The following COL9A1 variants were observed in gnomAD, a reference collection of about 807,000 sequenced individuals.
COL9A1 encodes the protein collagen type IX alpha 1 chain.
COL9A1 carries 104 observed loss-of-function variants against 142.6 expected under a neutral mutation model. The ratio of observed to expected loss-of-function variants is 0.73; its 90% CI spans 0.62 to 0.86. COL9A1 has a LOEUF of 0.86. COL9A1 is among the 40% of genes least tolerant of loss of function. The pLI, the probability that COL9A1 is intolerant of heterozygous loss-of-function variation, is 0.00. For synonymous variants in COL9A1, 466 were observed against 396.0 expected, an observed-to-expected ratio of 1.18 and a Z score of -2.10; for missense variants, 1,210 against 1,176.6, an observed-to-expected ratio of 1.03 and a Z score of -0.42.
rs1299857084 is a variant in COL9A1 at position 70,241,472 on chromosome 6, T to A, written c.1999-18A>T. On this transcript the variant is annotated intron_variant, in intron 30 of 37. Transcript: ENST00000357250. ...ACTACACCCTGTAATAAATAAAATATAATACTTTTTCAGTATTTTCAACTG... is the reference window on the plus strand; with the variant it reads ...ACTACACCCTGTAATAAATAAAATAAAATACTTTTTCAGTATTTTCAACTG... 1 of 1,602,796 alleles carries A rather than the reference T, an allele frequency of 6.2e-7. No individual in the cohort carries two copies. The highest frequency in any genetic ancestry group is 1.7e-5 in the Admixed American group (1 of 60,010).
At chr6:70,285,293 C>T (rs914025736) in intron 5 of COL9A1, among the ~76,000 whole-genome samples, 2 of 152,190 alleles carry the variant, frequency 1.3e-5, no homozygotes, top group South Asian at 2.1e-4. Flanking sequence ...AACACATCTG[C>T]GCATCCACAT....
In COL9A1 at chr6:70,294,285, G is replaced by A. The variant is rs1366088068; in HGVS notation, c.578C>T (p.Thr193Ile). The change falls in exon 5 of 38, where the codon ACT becomes ATT. Residue 193 changes from threonine (T) to isoleucine (I), a missense_variant. By Grantham distance (89) the Thr-to-Ile change is moderately conservative (BLOSUM62 -1). Coordinates refer to ENST00000357250, the MANE Select transcript of COL9A1 (RefSeq NM_001851.6). ...AATCCTGTTGCAGTCAACAAAAAGAGTAGCACTACTCCTCTCCACGCCAAT... is the reference window on the plus strand; with the variant it reads ...AATCCTGTTGCAGTCAACAAAAAGAATAGCACTACTCCTCTCCACGCCAAT... ...IMIGVERSSA[T>I]LFVDCNRIES... 2 of 1,614,046 alleles carry A rather than the reference G, an allele frequency of 1.2e-6. No homozygotes were observed. The highest frequency in any genetic ancestry group is 3.3e-5 in the Admixed American group (2 of 60,002).
rs764624908 is a variant in COL9A1 at position 70,232,594 on chromosome 6, C to A, written c.2492G>T (p.Arg831Met). ...IKGPPGALGL[R>M]GPKGDLGEKG... is the part of the protein sequence containing the mutation. Reference sequence around the variant, plus strand: ...GCAAGATGACTTACCTTTAGGTCCCCTCAAACCAAGAGCACCAGGGGGCCC... The same window carrying A: ...GCAAGATGACTTACCTTTAGGTCCCATCAAACCAAGAGCACCAGGGGGCCC... The change falls in exon 36 of 38, where the codon AGG (arginine) becomes ATG (methionine). Residue 831 changes from arginine (R) to methionine (M), a missense_variant. Physicochemically the swap from Arg to Met is moderately conservative, Grantham distance 91 (BLOSUM62 -1). Coordinates refer to ENST00000357250, the MANE Select transcript of COL9A1 (RefSeq NM_001851.6). The A allele has an allele frequency of 1.9e-6, 3 of 1,613,914 alleles. No individual in the cohort carries two copies. Among genetic ancestry groups the A allele is most frequent in the Non-Finnish European group, 1.7e-6 (2 of 1,180,016 alleles).
At chr6:70,236,523 A>G (rs940819514) in intron 33 of COL9A1, among the ~76,000 whole-genome samples, 2 of 152,224 alleles carry the variant, frequency 1.3e-5, no homozygotes, top group Non-Finnish European at 2.9e-5. Context: ...CTTCTTTTTC[A>G]TATGCATCAT....
At chr6:70,242,173 T>G in intron 29 of COL9A1, 138 bp from the exon 30 acceptor site, 6 of 758,848 alleles carry the variant, frequency 7.9e-6, no homozygotes, top group Non-Finnish European at 1.4e-5. Context: ...TTCTTGGGTT[T>G]GCCTCTCTTT....
At chr6:70,274,215 T>G in intron 11 of COL9A1, 133 bp from the exon 12 acceptor site, 1 of 604,746 alleles carries the variant, frequency 1.7e-6, no homozygotes, top group African/African-American at 2.0e-5. Flanking sequence ...CAACTTTTAT[T>G]TTAAGTTCAG....
chr6:70,249,920 T>C (rs1424378509), intron 28 of COL9A1, among the ~76,000 whole-genome samples: 1 of 152,174 alleles, frequency 6.6e-6, no homozygotes, highest in Non-Finnish European at 1.5e-5. Flanking sequence ...CCACAACAAG[T>C]GCTCAGTCAA....
intron 10 of COL9A1, chr6:70,279,666 A>AAAAAAAAAAAAAAAAAC (rs1562322878): frequency 2.9e-5 from 5 of 170,818 alleles, no homozygotes; most frequent in African/African-American, 1.3e-4. Flanking sequence ...AAAAAAAAAA[A>AAAAAAAAAAAAAAAAAC]AAAACACATA....
At chr6:70,282,301 T>C (rs867874311) in intron 7 of COL9A1, among the ~76,000 whole-genome samples, 18 of 152,246 alleles carry the variant, frequency 1.2e-4, no homozygotes, top group African/African-American at 3.6e-4. Flanking sequence ...CAATGGGGTC[T>C]TTGTAAGTGA....
chr6:70,216,669 AC>A lies in COL9A1; in HGVS notation c.*227del. On this transcript the variant is annotated 3_prime_UTR_variant, in exon 38 of 38. Coordinates refer to ENST00000357250, the MANE Select transcript of COL9A1 (RefSeq NM_001851.6). ...GTTTGGTTTTCTTTTTTTTTTTTTA[AC>A]TGATGACTCTGCTGTCTTCCCTCCA... is the stretch of plus-strand genomic sequence containing the variant. The A allele has an allele frequency of 1.1e-5, 6 of 533,982 alleles. No homozygotes were observed. Among genetic ancestry groups the A allele is most frequent in the African/African-American group, 2.3e-5 (1 of 43,856 alleles). The allele number at this position is 533,982 out of a possible 1,614,324, so 33.1% of individuals were successfully genotyped here. A position where few individuals can be genotyped will look rare whatever the true frequency, so the allele number is the denominator to read the frequency against.
intron 14 of COL9A1, 36 bp downstream of exon 14, chr6:70,271,619 C>T: frequency 6.3e-7 from 1 of 1,599,854 alleles, no homozygotes; most frequent in Non-Finnish European, 8.6e-7. Context: ...TCTATTAAAT[C>T]AGCAAACGTC....
At chr6:70,223,273 C>A (rs1769000772) in intron 37 of COL9A1, among the ~76,000 whole-genome samples, 1 of 152,154 alleles carries the variant, frequency 6.6e-6, no homozygotes. Context: ...GTATGAACAA[C>A]CAACATTTCT....
At chr6:70,226,059 A>G (rs1263606108) in intron 36 of COL9A1, 50 bp from the exon 37 acceptor site, 1 of 1,474,196 alleles carries the variant, frequency 6.8e-7, no homozygotes, top group Non-Finnish European at 9.4e-7. Flanking sequence ...ATAAAAATAA[A>G]CTTCCGCATC....
At chr6:70,241,901 T>C (rs1770282288) in intron 30 of COL9A1, 63 bp downstream of exon 30, 1 of 1,431,730 alleles carries the variant, frequency 7.0e-7, no homozygotes, top group Admixed American at 2.0e-5. Context: ...CAAGCTTTGT[T>C]TCTCAACATG....
chr6:70,221,925 A>G (rs1768904021), intron 37 of COL9A1, among the ~76,000 whole-genome samples: 1 of 152,156 alleles, frequency 6.6e-6, no homozygotes, highest in Non-Finnish European at 1.5e-5. Context: ...AGGGATTGCT[A>G]ATGTGATCCA....
chr6:70,274,031 C>T lies in COL9A1; in HGVS notation c.1065+16G>A. 2.0e-6 allele frequency: 3 copies of T among 1,517,906 alleles called. No homozygotes were observed. Among genetic ancestry groups the T allele is most frequent in the Non-Finnish European group, 2.7e-6 (3 of 1,126,638 alleles). The allele number at this position is 1,517,906 out of a possible 1,614,324, so 94.0% of individuals were successfully genotyped here. ...AGATAGGAAATTTTCAATTCTGTAG[C>T]TTTACATTTACTTACTGGAAATCCA... On this transcript the variant is annotated intron_variant, in intron 12 of 37. Coordinates refer to ENST00000357250, the MANE Select transcript of COL9A1 (RefSeq NM_001851.6).
At chr6:70,299,353 T>C (rs1316716714) in intron 4 of COL9A1, among the ~76,000 whole-genome samples, 2 of 152,150 alleles carry the variant, frequency 1.3e-5, no homozygotes, top group African/African-American at 4.8e-5. Context: ...TTTTTTATAG[T>C]GTGCTAAAGC....
chr6:70,242,220 C>T (rs1770304541), intron 29 of COL9A1, 185 bp from the exon 30 acceptor site: 1 of 659,594 alleles, frequency 1.5e-6, no homozygotes, highest in African/African-American at 1.8e-5. Flanking sequence ...CCAATGTTCT[C>T]CCAGCCTTCA....
chr6:70,289,387 T>A (rs534334811), intron 5 of COL9A1, among the ~76,000 whole-genome samples: 1 of 152,166 alleles, frequency 6.6e-6, no homozygotes, highest in South Asian at 2.1e-4. Context: ...TTGATCATTA[T>A]TCAGTTTTTA....
Sources: allele counts gnomAD v4.1 joint callset (sites outside exome capture counted in the v4.1 genomes callset), GRCh38; gene constraint gnomAD v4.1.1; transcripts MANE v1.5; gene names NCBI Gene and HGNC (gene_info 2026-07-23, HGNC 2026-07-21).